The following GPR180 variants were observed in gnomAD, a reference collection of about 807,000 sequenced individuals.
GPR180 encodes integral membrane protein GPR180.
Under a neutral mutation model 52.6 loss-of-function variants are expected in GPR180, and 53 were observed. The observed-to-expected ratio is 1.01, with a 90% CI of 0.81 to 1.27. The LOEUF is 1.27. Ranked by LOEUF, GPR180 falls within the 50% of genes most tolerant of loss-of-function variation. The probability of loss-of-function intolerance (pLI) is 0.00; values close to 1 mark genes in which losing one functional copy is unlikely to be tolerated. For missense variants in GPR180, 533 were observed against 527.0 expected, an observed-to-expected ratio of 1.01 and a Z score of -0.11; for synonymous variants, 200 against 193.1, an observed-to-expected ratio of 1.04 and a Z score of -0.30.
At chr13:94,612,868 C>T (rs1889728451) in intron 3 of GPR180, among the ~76,000 whole-genome samples, 1 of 130,808 alleles carries the variant, frequency 7.6e-6, no homozygotes, top group South Asian at 2.2e-4. Flanking sequence ...ATGGGTAACT[C>T]TGTACTAGCT....
At chr13:94,611,437 A>C (rs1040067844) in intron 2 of GPR180, among the ~76,000 whole-genome samples, 2 of 152,198 alleles carry the variant, frequency 1.3e-5, no homozygotes, top group Admixed American at 6.5e-5. Context: ...TAGACTGTAC[A>C]CTTAAAAATG....
intron 2 of GPR180, among the ~76,000 whole-genome samples, chr13:94,606,487 A>G (rs1039195619): frequency 4.6e-5 from 7 of 152,330 alleles, no homozygotes; most frequent in African/African-American, 1.4e-4. Context: ...AAATACGGAA[A>G]TGAAGAACAT....
intron 6 of GPR180, among the ~76,000 whole-genome samples, chr13:94,622,598 G>A (rs890034059): frequency 6.6e-6 from 1 of 152,338 alleles, no homozygotes; most frequent in African/African-American, 2.4e-5. Flanking sequence ...TAGCTCTGTG[G>A]TAGCACTTCT....
In GPR180 at chr13:94,620,405, G is replaced by A. The variant is rs192782045; in HGVS notation, c.737-673G>A. Among the ~76,000 whole-genome samples the A allele has an allele frequency of 4.6e-5, 7 of 152,296 alleles. No homozygotes were observed. The East Asian group carries it at 9.6e-4, about 21-fold the overall frequency. ...ATTTATAGATTTCTGTTGTTTTCTTGTAGTGTTAACCTGGATACAGGTGGT... is the reference window on the plus strand; with the variant it reads ...ATTTATAGATTTCTGTTGTTTTCTTATAGTGTTAACCTGGATACAGGTGGT... On this transcript the variant is annotated intron_variant, in intron 5 of 8. Coordinates refer to ENST00000376958, the MANE Select transcript of GPR180 (RefSeq NM_180989.6).
chr13:94,630,562 A>G lies in GPR180; in HGVS notation c.*3391A>G, dbSNP rs542984504. The stretch of plus-strand genomic sequence containing the variant: ...TTAGGAAAAGAAGTCCTCACTCATT[A>G]CTATGTTCTGCAAGGCCCATATGAT... On this transcript the variant is annotated 3_prime_UTR_variant, in exon 9 of 9. Coordinates refer to ENST00000376958, the MANE Select transcript of GPR180 (RefSeq NM_180989.6). 58 of 152,376 alleles carry G rather than the reference A, an allele frequency of 3.8e-4. No homozygotes were observed. Among genetic ancestry groups the G allele is most frequent in the African/African-American group, 1.4e-3 (57 of 41,584 alleles). The allele number at this position is 152,376 out of a possible 1,614,324, so 9.4% of individuals were successfully genotyped here. A position where few individuals can be genotyped will look rare whatever the true frequency, so the allele number is the denominator to read the frequency against.
Position 94,621,146 on chromosome 13 carries a change from G to A in GPR180, c.805G>A (p.Val269Ile). 6.2e-7 allele frequency: 1 copy of A among 1,612,784 alleles called. No homozygotes were observed. ...GAGTCTATGCATGGGTTGGACAATA[G>A]TCAGAATGAAGAAGTCTCAAAGCAG... ...LLSLCMGWTIVRMKKSQSRPL... is the reference protein window; with the variant it reads ...LLSLCMGWTIIRMKKSQSRPL... Residue 269 changes from valine to isoleucine, a missense_variant, in exon 6 of 9, where the codon GTC (valine) becomes ATC (isoleucine). Coordinates refer to ENST00000376958, the MANE Select transcript of GPR180 (RefSeq NM_180989.6).
At position 94,602,058 on chromosome 13, in the gene GPR180, A is replaced by T; in HGVS notation, c.131A>T (p.His44Leu). 7.1e-7 allele frequency: 1 copy of T among 1,403,688 alleles called. No individual in the cohort carries two copies. Among genetic ancestry groups the T allele is most frequent in the Admixed American group, 2.7e-5 (1 of 36,910 alleles). 87.0% of individuals were successfully genotyped at this position (1,403,688 alleles called of 1,614,324 possible). The change falls in exon 1 of 9, where the codon CAC becomes CTC. Residue 44 changes from histidine (H) to leucine (L), a missense_variant. Transcript: ENST00000376958. ...GACGCCCAGGGCCAGCGCATCGGCCACTTCGAGTTCCATGGTAGGTCTGGG... is the reference window on the plus strand; with the variant it reads ...GACGCCCAGGGCCAGCGCATCGGCCTCTTCGAGTTCCATGGTAGGTCTGGG... The part of the protein sequence containing the change: ...AQDAQGQRIG[H>L]FEFHGDHALL...
rs1197964266 is a variant in GPR180, at chr13:94,633,236, G to A, written c.*6065G>A. On this transcript the variant is annotated 3_prime_UTR_variant, in exon 9 of 9. Coordinates refer to ENST00000376958, the MANE Select transcript of GPR180 (RefSeq NM_180989.6). The stretch of plus-strand genomic sequence containing the variant: ...CAAAGTTGCTAGTTTCTGAAGTGAG[G>A]GCAGTCATATGGAGGACTGGGCCCT... The A allele has an allele frequency of 2.6e-5, 4 of 152,104 alleles. No individual in the cohort carries two copies. Among genetic ancestry groups the A allele is most frequent in the African/African-American group, 9.7e-5 (4 of 41,420 alleles). The allele number at this position is 152,104 out of a possible 1,614,324, so 9.4% of individuals were successfully genotyped here.
intron 3 of GPR180, among the ~76,000 whole-genome samples, chr13:94,612,921 CA>C (rs552332528): frequency 2.5e-3 from 385 of 152,218 alleles, no homozygotes; most frequent in African/African-American, 9.0e-3. Flanking sequence ...AAGCTTACAA[CA>C]ATTTAGGGAT....
In GPR180 at chr13:94,633,963, G is replaced by A. The variant is rs148162099; in HGVS notation, c.*6792G>A. The A allele has an allele frequency of 1.1e-4, 16 of 151,776 alleles. No homozygotes were observed. Among genetic ancestry groups the A allele is most frequent in the East Asian group, 9.7e-4 (5 of 5,168 alleles). The allele number at this position is 151,776 out of a possible 1,614,324, so 9.4% of individuals were successfully genotyped here. ...TTATATAATCCATCTTTACTGATTC[G>A]TTGCTAATTGGTTTCTGGACTTTTA... On this transcript the variant is annotated 3_prime_UTR_variant, in exon 9 of 9. Transcript: ENST00000376958.
rs541307124 is a variant in GPR180 at position 94,601,978 on chromosome 13, G to A, written c.51G>A (p.Pro17=). 3 of 1,495,056 alleles carry A rather than the reference G, an allele frequency of 2.0e-6. No homozygotes were observed. Among genetic ancestry groups the A allele is most frequent in the African/African-American group, 1.4e-5 (1 of 69,364 alleles). 92.6% of individuals were successfully genotyped at this position (1,495,056 alleles called of 1,614,324 possible). ...LAVALTCCWW[P]QGSQGKTLRG... ...TGGCCCTCACGTGCTGCTGGTGGCC[G>A]CAGGGCAGCCAGGGTAAGACCCTGC... Residue 17 remains proline, a synonymous_variant, in exon 1 of 9, where the codon CCG becomes CCA. Transcript: ENST00000376958.
chr13:94,626,261 G>T (rs940639969), intron 8 of GPR180, among the ~76,000 whole-genome samples: 10 of 151,896 alleles, frequency 6.6e-5, no homozygotes, highest in African/African-American at 2.2e-4. Flanking sequence ...TTTCTTGATT[G>T]TACTACAATA....
In GPR180 at chr13:94,605,313, G is replaced by A. The variant is rs1343203273; in HGVS notation, c.146-78G>A. 9 of 1,314,150 alleles carry A rather than the reference G, an allele frequency of 6.8e-6. No homozygotes were observed. The East Asian group carries it at 9.2e-5, about 13-fold the overall frequency. 81.4% of individuals were successfully genotyped at this position (1,314,150 alleles called of 1,614,324 possible). ...GCTTTTTAAATTTCCATTTTGGTAAGTAGAGGTGTTGAGTTGTCCTCATGT... is the reference window on the plus strand; with the variant it reads ...GCTTTTTAAATTTCCATTTTGGTAAATAGAGGTGTTGAGTTGTCCTCATGT... On this transcript the variant is annotated intron_variant, in intron 1 of 8. Coordinates refer to ENST00000376958, the MANE Select transcript of GPR180 (RefSeq NM_180989.6).
intron 1 of GPR180, among the ~76,000 whole-genome samples, chr13:94,604,003 G>A (rs1889594477): frequency 6.6e-6 from 1 of 152,120 alleles, no homozygotes; most frequent in Non-Finnish European, 1.5e-5. Context: ...ACTTTGGGAG[G>A]CAGAGGTGGG....
intron 5 of GPR180, among the ~76,000 whole-genome samples, chr13:94,620,127 A>G (rs1278659646): frequency 6.6e-6 from 1 of 152,210 alleles, no homozygotes; most frequent in African/African-American, 2.4e-5. Flanking sequence ...GGGCTCAGTG[A>G]TGTGAAACAT....
rs1889846642 is a variant in GPR180 at position 94,621,136 on chromosome 13, T to C, written c.795T>C (p.Gly265=). The change falls in exon 6 of 9, where the codon GGT becomes GGC. Residue 265 remains glycine, a synonymous_variant. Transcript: ENST00000376958. ...ACTTACTTTTGAGTCTATGCATGGG[T>C]TGGACAATAGTCAGAATGAAGAAGT... The part of the protein sequence containing the change: ...MLYLLLSLCM[G]WTIVRMKKSQ... The C allele has an allele frequency of 6.2e-7, 1 of 1,612,702 alleles. No homozygotes were observed. The highest frequency in any genetic ancestry group is 1.3e-5 in the African/African-American group (1 of 75,004).
intron 3 of GPR180, among the ~76,000 whole-genome samples, chr13:94,614,602 C>T (rs1335978791): frequency 6.6e-6 from 1 of 152,158 alleles, no homozygotes; most frequent in Non-Finnish European, 1.5e-5. Flanking sequence ...TCCTCAACAT[C>T]TTGAGTTGTG....
chr13:94,608,244 A>G (rs191173521), intron 2 of GPR180, among the ~76,000 whole-genome samples: 52 of 152,318 alleles, frequency 3.4e-4, no homozygotes, highest in Admixed American at 1.4e-3. Flanking sequence ...TCTGTACAAC[A>G]AGCAAGTTGG....
At chr13:94,614,988 C>T (rs1043584094) in intron 3 of GPR180, among the ~76,000 whole-genome samples, 2 of 152,198 alleles carry the variant, frequency 1.3e-5, no homozygotes, top group Admixed American at 1.3e-4. Context: ...TTGTGAATAA[C>T]TCTACATTGA....
Sources: gnomAD v4.1 joint callset for allele counts (sites outside exome capture counted in the v4.1 genomes callset) on GRCh38, gnomAD v4.1.1 for gene constraint, MANE v1.5 for transcripts, NCBI Gene and HGNC (gene_info 2026-07-23, HGNC 2026-07-21) for gene names.